The following CDK12 variants were observed in gnomAD, a reference collection of about 807,000 sequenced individuals.
The protein encoded by CDK12 is cyclin-dependent kinase 12.
In CDK12, 17 loss-of-function variants were observed where a neutral mutation model predicts 133.8. The observed-to-expected ratio is 0.13, with a 90% CI of 0.09 to 0.19. The LOEUF is 0.19. Ranked by LOEUF, CDK12 falls within the 10% of genes least tolerant of loss-of-function variation. CDK12 has a pLI of 1.00. For missense variants in CDK12, 1,508 were observed against 1,818.7 expected (o/e 0.83, Z 3.11); for synonymous variants, 694 against 683.6 (o/e 1.02, Z -0.24).
At chr17:39,484,459 C>T (rs904939398) in intron 2 of CDK12, among the ~76,000 whole-genome samples, 23 of 151,998 alleles carry the variant, frequency 1.5e-4, no homozygotes, top group Non-Finnish European at 2.4e-4. Context: ...ACCACATGTC[C>T]GCAACCCTTT....
Position 39,530,971 on chromosome 17 carries a change from C to T in CDK12, c.4128C>T (p.Phe1376=). ...AGACCCTGGTGAAGAACAGGACCTT[C>T]TCAGGCTCTCTGAGCCACCTTGGGG... ...LVQTLVKNRT[F]SGSLSHLGES... The change falls in exon 14 of 14, where the codon TTC becomes TTT. Residue 1376 remains phenylalanine, a synonymous_variant. Transcript: ENST00000447079. 1.9e-6 allele frequency: 3 copies of T among 1,614,224 alleles called. No homozygotes were observed. Among genetic ancestry groups the T allele is most frequent in the Middle Eastern group, 3.3e-4 (2 of 6,060 alleles).
chr17:39,483,935 C>T (rs969033997), intron 2 of CDK12, among the ~76,000 whole-genome samples: 4 of 151,898 alleles, frequency 2.6e-5, no homozygotes, highest in Non-Finnish European at 5.9e-5. Context: ...CTGCTGCCTC[C>T]AGGTTCAAGT....
At chr17:39,492,102 T>C (rs1302897252) in intron 3 of CDK12, among the ~76,000 whole-genome samples, 2 of 148,344 alleles carry the variant, frequency 1.3e-5, no homozygotes, top group African/African-American at 2.5e-5. Flanking sequence ...TTCTTTTCTT[T>C]TTTTTTTTTT....
intron 2 of CDK12, among the ~76,000 whole-genome samples, chr17:39,488,610 C>T (rs2051322025): frequency 6.6e-6 from 1 of 151,950 alleles, no homozygotes; most frequent in African/African-American, 2.4e-5. Context: ...ACCTCTTTAG[C>T]GATAGAGTAG....
chr17:39,522,775 G>A (rs553819241), intron 11 of CDK12, among the ~76,000 whole-genome samples: 38 of 152,046 alleles, frequency 2.5e-4, no homozygotes, highest in African/African-American at 8.2e-4. Context: ...TCTTTCGGTC[G>A]AGCGCGGTCG....
intron 1 of CDK12, among the ~76,000 whole-genome samples, chr17:39,467,335 C>G (rs942775060): frequency 6.6e-6 from 1 of 152,116 alleles, no homozygotes; most frequent in East Asian, 1.9e-4. Flanking sequence ...GTCTTTGCAT[C>G]CGCTAGATTA....
chr17:39,555,300 G>T (rs957007819), intron 2 of CDK12, among the ~76,000 whole-genome samples: 9 of 152,144 alleles, frequency 5.9e-5, no homozygotes, highest in African/African-American at 2.2e-4. Context: ...CCCATCTTCA[G>T]TGAAGGATGG....
In CDK12 at chr17:39,471,490, C is replaced by T. The variant is rs1480899098; in HGVS notation, c.1658C>T (p.Pro553Leu). The part of the protein sequence containing the change: ...TPPPQTPPLP[P>L]LPPIPALPQQ... ...CCACCTCAGACACCCCCTTTGCCAC[C>T]TTTGCCTCCAATACCAGCTCTTCCA... Residue 553 changes from proline to leucine, a missense_variant, in exon 2 of 14, where the codon CCT becomes CTT. This residue lies in a region of CDK12 where 347 missense variants were observed against 330.8 expected (regional missense o/e 1.05). Transcript: ENST00000447079. The T allele has an allele frequency of 1.9e-6, 3 of 1,613,842 alleles. No homozygotes were observed. The South Asian group carries it at 3.3e-5, about 18-fold the overall frequency.
At chr17:39,565,513 A>C (rs991384190), downstream of CDK12, among the ~76,000 whole-genome samples, 2 of 151,720 alleles carry the variant, frequency 1.3e-5, no homozygotes, top group African/African-American at 4.8e-5. Flanking sequence ...AGCTCACTGC[A>C]ACTTTTGCCT....
intron 1 of CDK12, among the ~76,000 whole-genome samples, chr17:39,466,667 T>C (rs1481936759): frequency 8.8e-6 from 1 of 113,496 alleles, no homozygotes; most frequent in African/African-American, 3.3e-5. Context: ...CAGATGAATC[T>C]CTACTCACAT....
intron 7 of CDK12, 117 bp from the exon 8 acceptor site, chr17:39,511,412 A>T (rs1441385435): frequency 4.8e-6 from 3 of 629,792 alleles, no homozygotes; most frequent in Non-Finnish European, 8.5e-6. Flanking sequence ...GTTGCTCTGG[A>T]TTTGTTTTTC....
intron 3 of CDK12, among the ~76,000 whole-genome samples, chr17:39,561,019 AAAAC>A (rs750892822): frequency 2.6e-4 from 39 of 152,260 alleles, no homozygotes; most frequent in Middle Eastern, 3.4e-3. Context: ...GTCTCAAAAA[AAAAC>A]AAACAAAAAG....
chr17:39,496,912 C>CTTTTTTTTT (rs71147349), intron 5 of CDK12, among the ~76,000 whole-genome samples: 6 of 87,820 alleles, frequency 6.8e-5, no homozygotes, highest in Non-Finnish European at 1.0e-4. Context: ...TTCAGTATAT[C>CTTTTTTTTT]TTTTTTTTTT....
At position 39,471,415 on chromosome 17, in the gene CDK12, C is replaced by T. The variant is rs1396352202; in HGVS notation, c.1583C>T (p.Pro528Leu). 1 of 1,613,826 alleles carries T rather than the reference C, an allele frequency of 6.2e-7. No individual in the cohort carries two copies. Among genetic ancestry groups the T allele is most frequent in the Non-Finnish European group, 8.5e-7 (1 of 1,179,934 alleles). ...TETSEKETPP[P>L]LPTIASPPPP... The stretch of plus-strand genomic sequence containing the variant: ...ACATCAGAAAAGGAGACCCCTCCAC[C>T]TCTTCCCACAATTGCTTCTCCCCCA... The change falls in exon 2 of 14, where the codon CCT becomes CTT. Residue 528 changes from proline (P) to leucine (L), a missense_variant. Coordinates refer to ENST00000447079, the MANE Select transcript of CDK12 (RefSeq NM_016507.4).
Position 39,526,313 on chromosome 17 carries a change from G to A in CDK12, c.3757G>A (p.Ala1253Thr), listed in dbSNP as rs1213703138. Residue 1253 changes from alanine (A) to threonine (T), a missense_variant, in exon 13 of 14, where the codon GCA (alanine) becomes ACA (threonine). By Grantham distance (58) the Ala-to-Thr change is moderately conservative (BLOSUM62 0). Transcript: ENST00000447079. ...RTPTMPQEEA[A>T]ACPPHILPPE... ...TCCCACAATGCCACAGGAGGAGGCA[G>A]CAGGTAAACAGACCGGTCATGAATC... The A allele has an allele frequency of 3.8e-6, 6 of 1,583,928 alleles. No homozygotes were observed. The highest frequency in any genetic ancestry group is 5.1e-6 in the Non-Finnish European group (6 of 1,165,954).
chr17:39,468,175 G>A (rs995592002), intron 1 of CDK12, among the ~76,000 whole-genome samples: 10 of 152,124 alleles, frequency 6.6e-5, no homozygotes, highest in Non-Finnish European at 1.2e-4. Flanking sequence ...GATTACAGGC[G>A]TGAGCCACCG....
chr17:39,500,445 C>G (rs1013163520), intron 5 of CDK12, among the ~76,000 whole-genome samples: 2 of 151,980 alleles, frequency 1.3e-5, no homozygotes, highest in Non-Finnish European at 1.5e-5. Context: ...CCAGCCTGAC[C>G]AACATGGTGA....
upstream of CDK12, chr17:39,543,946 G>C (rs72827126): frequency 0.054 from 12,525 of 230,306 alleles, 437 homozygotes; most frequent in Non-Finnish European, 0.078. Context: ...TATGATTCTG[G>C]GTTTCACAGC....
intron 1 of CDK12, chr17:39,551,024 C>G (rs972309310): frequency 6.6e-6 from 1 of 151,710 alleles, no homozygotes; most frequent in African/African-American, 2.4e-5. Context: ...TTGCCCCACC[C>G]CTTCATTTTA....
Sources: gnomAD v4.1 joint callset for allele counts (sites outside exome capture counted in the v4.1 genomes callset) on GRCh38, gnomAD v4.1.1 for gene constraint, gnomAD v4.1.1 regional missense constraint, MANE v1.5 for transcripts, NCBI Gene and HGNC (gene_info 2026-07-23, HGNC 2026-07-21) for gene names.